Variants in SHANK2 observed in about 807,000 individuals in gnomAD.
SHANK2 encodes SH3 and multiple ankyrin repeat domains protein 2.
A neutral mutation model predicts 133.7 loss-of-function variants in SHANK2; 43 were observed. The observed-to-expected ratio is 0.32, with a 90% CI of 0.25 to 0.41. SHANK2 has a LOEUF of 0.41. SHANK2 is among the 10% of genes least tolerant of loss of function. SHANK2 has a pLI of 1.00. For synonymous variants in SHANK2, 1,017 were observed against 952.8 expected (o/e 1.07, Z -1.24); for missense variants, 1,994 against 2,235.8 (o/e 0.89, Z 2.18).
intron 6 of SHANK2, among the ~76,000 whole-genome samples, chr11:71,096,912 A>T (rs188221239): frequency 1.3e-5 from 2 of 152,316 alleles, no homozygotes; most frequent in Admixed American, 1.3e-4. Flanking sequence ...AGAGGCTTGA[A>T]TCCTGACTTT....
intron 25 of SHANK2, among the ~76,000 whole-genome samples, chr11:70,483,214 A>G (rs1565524450): frequency 6.6e-6 from 1 of 152,296 alleles, no homozygotes; most frequent in East Asian, 1.9e-4. Flanking sequence ...TGGACAAGCC[A>G]CTTATCCTCT....
intron 17 of SHANK2, among the ~76,000 whole-genome samples, chr11:70,620,768 G>T (rs782501426): frequency 6.6e-6 from 1 of 152,162 alleles, no homozygotes; most frequent in Non-Finnish European, 1.5e-5. Flanking sequence ...ACTCCAGAGA[G>T]CTTGGTGGCA....
At chr11:70,785,429 T>TA (rs1440732464) in intron 14 of SHANK2, among the ~76,000 whole-genome samples, 1 of 152,174 alleles carries the variant, frequency 6.6e-6, no homozygotes, top group Non-Finnish European at 1.5e-5. Context: ...TCCCCTTACC[T>TA]AACTCTCCTC....
intron 14 of SHANK2, among the ~76,000 whole-genome samples, chr11:70,778,225 A>G (rs992595699): frequency 6.6e-6 from 1 of 152,346 alleles, no homozygotes. Context: ...CAGCCCTGAG[A>G]CTGACCTAAA....
intron 14 of SHANK2, among the ~76,000 whole-genome samples, chr11:70,771,292 G>C (rs76165209): frequency 0.034 from 5,189 of 152,258 alleles, 120 homozygotes; most frequent in Middle Eastern, 0.071. Context: ...GGAGTGACGG[G>C]CTCTTTCAGA....
chr11:71,124,838 T>C (rs549901221), intron 3 of SHANK2, among the ~76,000 whole-genome samples: 2 of 152,352 alleles, frequency 1.3e-5, no homozygotes, highest in Admixed American at 6.5e-5. Flanking sequence ...AATTGGAGGT[T>C]TGCGGCAACT....
chr11:71,206,718 T>C (rs1954133734), intron 2 of SHANK2, among the ~76,000 whole-genome samples: 1 of 152,152 alleles, frequency 6.6e-6, no homozygotes, highest in Non-Finnish European at 1.5e-5. Flanking sequence ...GGAGGGTCAC[T>C]CGAGGCCAGG....
intron 12 of SHANK2, among the ~76,000 whole-genome samples, chr11:70,814,675 G>A (rs1363387104): frequency 6.6e-6 from 1 of 152,242 alleles, no homozygotes; most frequent in African/African-American, 2.4e-5. Context: ...CCCTGCCTGT[G>A]TGGCCAGGTG....
At chr11:70,892,594 G>T (rs562812012) in intron 11 of SHANK2, among the ~76,000 whole-genome samples, 1 of 152,350 alleles carries the variant, frequency 6.6e-6, no homozygotes, top group Non-Finnish European at 1.5e-5. Context: ...TTCAGCATCA[G>T]ATGGACATGG....
intron 17 of SHANK2, among the ~76,000 whole-genome samples, chr11:70,651,554 G>A (rs2061339573): frequency 6.6e-6 from 1 of 152,162 alleles, no homozygotes; most frequent in African/African-American, 2.4e-5. Context: ...CAATGCTGTT[G>A]GCCTCAGAGA....
intron 17 of SHANK2, among the ~76,000 whole-genome samples, chr11:70,623,003 C>T (rs970003342): frequency 2.0e-5 from 3 of 152,050 alleles, no homozygotes; most frequent in Non-Finnish European, 4.4e-5. Flanking sequence ...ATGGTGAAAC[C>T]CCATCTCTAC....
intron 15 of SHANK2, among the ~76,000 whole-genome samples, chr11:70,670,522 C>A (rs890578090): frequency 3.3e-5 from 5 of 152,176 alleles, no homozygotes; most frequent in African/African-American, 1.2e-4. Context: ...GAGGGCCGCT[C>A]GACAGGCGGG....
chr11:70,586,427 A>G lies in SHANK2; in HGVS notation c.2061+73401T>C, dbSNP rs546553065. Among the ~76,000 whole-genome samples, 14 of 152,214 alleles carry G rather than the reference A, an allele frequency of 9.2e-5. No individual in the cohort carries two copies. In the South Asian group the frequency reaches 1.5e-3, roughly 16 times the overall value. ...GGAGGTTCTGGGGCCGGGGTCACCTATTGGCTTCTCTTAAGGCGTGGCCGG... is the reference window on the plus strand; with the variant it reads ...GGAGGTTCTGGGGCCGGGGTCACCTGTTGGCTTCTCTTAAGGCGTGGCCGG... On this transcript the variant is annotated intron_variant, in intron 17 of 25. Coordinates refer to ENST00000601538, the MANE Select transcript of SHANK2 (RefSeq NM_012309.5).
intron 1 of SHANK2, among the ~76,000 whole-genome samples, chr11:71,227,281 T>C (rs979585353): frequency 2.6e-5 from 4 of 151,928 alleles, no homozygotes; most frequent in African/African-American, 7.2e-5. Flanking sequence ...AAGACAGAGA[T>C]TGGCAGAGTA....
chr11:70,655,995 C>T (rs189198876), intron 17 of SHANK2, among the ~76,000 whole-genome samples: 4 of 152,282 alleles, frequency 2.6e-5, no homozygotes, highest in East Asian at 1.9e-4. Flanking sequence ...TGAGTGAGAC[C>T]TACAGTGAGC....
At chr11:71,229,993 C>T (rs1555122761) in intron 1 of SHANK2, among the ~76,000 whole-genome samples, 1 of 152,068 alleles carries the variant, frequency 6.6e-6, no homozygotes, top group Non-Finnish European at 1.5e-5. Context: ...CAATTCCAGT[C>T]AAAATCTCAG....
At chr11:71,181,855 T>C (rs974085103) in intron 2 of SHANK2, among the ~76,000 whole-genome samples, 2 of 130,932 alleles carry the variant, frequency 1.5e-5, no homozygotes, top group African/African-American at 5.7e-5. Flanking sequence ...ATCTACTGAA[T>C]CCGAATCTCC....
chr11:70,584,518 C>CCAT (rs1211988674), intron 17 of SHANK2, among the ~76,000 whole-genome samples: 3 of 152,158 alleles, frequency 2.0e-5, no homozygotes, highest in Non-Finnish European at 4.4e-5. Flanking sequence ...AACCCTGCCC[C>CCAT]CATCACCCCA....
At chr11:70,781,391 C>T (rs527696804) in intron 14 of SHANK2, among the ~76,000 whole-genome samples, 1 of 151,086 alleles carries the variant, frequency 6.6e-6, no homozygotes, top group South Asian at 2.1e-4. Context: ...CTGGTGCAAA[C>T]CTCTGAAGCT....
Sources: allele counts gnomAD v4.1 joint callset (sites outside exome capture counted in the v4.1 genomes callset), GRCh38; gene constraint gnomAD v4.1.1; transcripts MANE v1.5; gene names NCBI Gene and HGNC (gene_info 2026-07-23, HGNC 2026-07-21).